CDH18: variants seen among roughly 807,000 people sequenced by gnomAD.
The protein encoded by CDH18 is cadherin-18.
A neutral mutation model predicts 67.9 loss-of-function variants in CDH18; 31 were observed. The observed-to-expected ratio is 0.46, with a 90% CI of 0.34 to 0.62. The LOEUF (loss-of-function observed/expected upper bound fraction) is 0.62, where lower values mean the gene tolerates loss of function less well. Ranked by LOEUF, CDH18 falls within the 20% of genes least tolerant of loss-of-function variation. CDH18 has a pLI of 0.01. For synonymous variants in CDH18, 362 were observed against 347.2 expected (o/e 1.04, Z -0.48); for missense variants, 890 against 975.5 (o/e 0.91, Z 1.17).
intron 2 of CDH18, among the ~76,000 whole-genome samples, chr5:20,179,991 G>A (rs1371582979): frequency 6.6e-6 from 1 of 152,068 alleles, no homozygotes; most frequent in Non-Finnish European, 1.5e-5. Flanking sequence ...TATTGCTATG[G>A]AATAAAATAT....
At chr5:20,199,945 C>T (rs1447926078) in intron 2 of CDH18, among the ~76,000 whole-genome samples, 2 of 152,116 alleles carry the variant, frequency 1.3e-5, no homozygotes, top group Admixed American at 6.5e-5. Context: ...CTATGATTCT[C>T]GATTTCCTGA....
Position 20,139,016 on chromosome 5 carries a change from T to A in CDH18, c.-518+116428A>T, listed in dbSNP as rs187317206. ...AGAACCTGCATTGCCAAGACAATCCTAAGCCAAAAGAACAAAGCTGGAGGC... is the reference window on the plus strand; with the variant it reads ...AGAACCTGCATTGCCAAGACAATCCAAAGCCAAAAGAACAAAGCTGGAGGC... On this transcript the variant is annotated intron_variant, in intron 2 of 14. Coordinates refer to the CDH18 transcript ENST00000507958. Among the ~76,000 whole-genome samples the A allele has an allele frequency of 9.5e-4, 144 of 152,312 alleles. 1 individual carries two copies. The highest frequency in any genetic ancestry group is 3.3e-3 in the African/African-American group (138 of 41,574).
intron 1 of CDH18, among the ~76,000 whole-genome samples, chr5:19,987,192 A>C (rs1204243596): frequency 6.6e-6 from 1 of 152,000 alleles, no homozygotes; most frequent in Non-Finnish European, 1.5e-5. Context: ...CTAGCTAATA[A>C]AATTCTATTT....
intron 1 of CDH18, among the ~76,000 whole-genome samples, chr5:20,342,445 G>A (rs1740355343): frequency 1.3e-5 from 2 of 152,266 alleles, no homozygotes; most frequent in South Asian, 4.2e-4. Context: ...TGCCAGGCAA[G>A]TTAATATTGA....
chr5:20,234,444 C>T (rs1480109972), intron 2 of CDH18, among the ~76,000 whole-genome samples: 1 of 151,992 alleles, frequency 6.6e-6, no homozygotes, highest in Non-Finnish European at 1.5e-5. Context: ...CATCAGTTCC[C>T]ATGAATGTGA....
intron 11 of CDH18, among the ~76,000 whole-genome samples, chr5:19,495,821 T>C (rs1405859534): frequency 1.3e-5 from 2 of 151,718 alleles, no homozygotes; most frequent in South Asian, 2.1e-4. Flanking sequence ...GGAGTTAATA[T>C]TCTAGAGAAG....
chr5:19,987,189 A>G (rs1282472659), intron 1 of CDH18, among the ~76,000 whole-genome samples: 1 of 152,068 alleles, frequency 6.6e-6, no homozygotes, highest in Non-Finnish European at 1.5e-5. Flanking sequence ...GCCCTAGCTA[A>G]TAAAATTCTA....
intron 1 of CDH18, among the ~76,000 whole-genome samples, chr5:20,519,994 G>T (rs1483266175): frequency 2.5e-5 from 2 of 79,702 alleles, no homozygotes; most frequent in Non-Finnish European, 2.3e-5. Flanking sequence ...ATTTTTGGTA[G>T]AGACAGAGTT....
chr5:20,172,223 T>TAC (rs1554098639), intron 2 of CDH18, among the ~76,000 whole-genome samples: 2,076 of 43,550 alleles, frequency 0.048, 120 homozygotes, highest in Non-Finnish European at 0.059. Flanking sequence ...TATATATATA[T>TAC]GTATATATAT....
intron 2 of CDH18, among the ~76,000 whole-genome samples, chr5:20,070,511 C>T (rs948077719): frequency 1.6e-4 from 25 of 151,934 alleles, no homozygotes; most frequent in African/African-American, 5.6e-4. Flanking sequence ...TTAACCAGAG[C>T]GGTATTAGGG....
At chr5:20,443,094 C>CA (rs1749732932) in intron 1 of CDH18, among the ~76,000 whole-genome samples, 1 of 146,820 alleles carries the variant, frequency 6.8e-6, no homozygotes, top group African/African-American at 2.5e-5. Flanking sequence ...CCTGTAGTCC[C>CA]AGCTACTTGG....
At chr5:19,768,925 GAA>G (rs1395366216) in intron 3 of CDH18, among the ~76,000 whole-genome samples, 1 of 151,862 alleles carries the variant, frequency 6.6e-6, no homozygotes, top group Non-Finnish European at 1.5e-5. Context: ...AATGGAAATT[GAA>G]AACTTACTAG....
chr5:19,606,308 T>C (rs768490971), intron 6 of CDH18, among the ~76,000 whole-genome samples: 4 of 152,074 alleles, frequency 2.6e-5, no homozygotes, highest in African/African-American at 7.2e-5. Flanking sequence ...TGATTAAAAA[T>C]GAGCATTGGC....
chr5:19,727,618 C>T (rs1240365061), intron 4 of CDH18, among the ~76,000 whole-genome samples: 3 of 152,052 alleles, frequency 2.0e-5, no homozygotes, highest in Non-Finnish European at 4.4e-5. Context: ...GCAACTCTAG[C>T]AAATGAATAT....
At chr5:20,374,066 G>T (rs537917899) in intron 1 of CDH18, among the ~76,000 whole-genome samples, 7 of 152,218 alleles carry the variant, frequency 4.6e-5, no homozygotes, top group Non-Finnish European at 1.0e-4. Context: ...CACAGTCATT[G>T]AATGCTCTCC....
At chr5:20,336,907 G>A (rs929810758) in intron 1 of CDH18, among the ~76,000 whole-genome samples, 4 of 152,028 alleles carry the variant, frequency 2.6e-5, no homozygotes, top group Non-Finnish European at 4.4e-5. Context: ...TTCCCCATGG[G>A]TTTTGCTCAG....
chr5:20,199,909 G>A (rs1028265284), intron 2 of CDH18, among the ~76,000 whole-genome samples: 2 of 152,098 alleles, frequency 1.3e-5, no homozygotes, highest in African/African-American at 4.8e-5. Context: ...TTGTGATGAA[G>A]GTGACTTCCT....
At chr5:19,756,808 C>A (rs1771665360) in intron 3 of CDH18, among the ~76,000 whole-genome samples, 1 of 152,186 alleles carries the variant, frequency 6.6e-6, no homozygotes, top group Non-Finnish European at 1.5e-5. Flanking sequence ...TAACAGGAAG[C>A]AAATATTTTG....
In CDH18 at chr5:19,843,941, A is replaced by G. The variant is rs142948252; in HGVS notation, c.-256-4699T>C. Among the ~76,000 whole-genome samples, 4 of 152,318 alleles carry G rather than the reference A, an allele frequency of 2.6e-5. No individual in the cohort carries two copies. The East Asian group carries it at 7.7e-4, about 29-fold the overall frequency. On this transcript the variant is annotated intron_variant, in intron 2 of 12. Transcript: ENST00000382275. ...TTTCTCCCATTGGAGAAGAATTCAAAGATTGATTCTTATTCAAAACTATTC... is the reference window on the plus strand; with the variant it reads ...TTTCTCCCATTGGAGAAGAATTCAAGGATTGATTCTTATTCAAAACTATTC...
Sources: allele counts gnomAD v4.1 joint callset (sites outside exome capture counted in the v4.1 genomes callset), GRCh38; gene constraint gnomAD v4.1.1; transcripts MANE v1.5; gene names NCBI Gene and HGNC (gene_info 2026-07-23, HGNC 2026-07-21).